Variants in ERLEC1 observed in about 807,000 individuals in gnomAD.
The protein encoded by ERLEC1 is endoplasmic reticulum lectin 1, also known as ER lectin.
A neutral mutation model predicts 68.0 loss-of-function variants in ERLEC1; 47 were observed. The observed-to-expected ratio is 0.69, with a 90% CI of 0.55 to 0.88. The LOEUF (loss-of-function observed/expected upper bound fraction) is 0.88. Among genes scored for constraint, ERLEC1 ranks in the 40% least tolerant of loss-of-function variants. ERLEC1 has a pLI of 0.00. For synonymous variants in ERLEC1, 225 were observed against 203.2 expected (o/e 1.11, Z -0.91); for missense variants, 567 against 583.8 (o/e 0.97, Z 0.30).
chr2:53,811,584 G>A (rs1212930177), intron 10 of ERLEC1, among the ~76,000 whole-genome samples: 2 of 152,256 alleles, frequency 1.3e-5, no homozygotes, highest in East Asian at 3.9e-4. Context: ...TGTATGCTAG[G>A]CACTATGTAC....
chr2:53,791,562 A>C (rs1225196595), intron 1 of ERLEC1, among the ~76,000 whole-genome samples: 3 of 152,198 alleles, frequency 2.0e-5, no homozygotes, highest in Non-Finnish European at 4.4e-5. Context: ...CTAAAAATAT[A>C]TTTTGTGGTC....
At chr2:53,787,466 CCTT>C (rs1051181804) in intron 1 of ERLEC1, 94 bp downstream of exon 1, 12 of 1,436,472 alleles carry the variant, frequency 8.4e-6, no homozygotes, top group African/African-American at 4.3e-5. Context: ...CTCCCCAAGA[CCTT>C]CTCTGCAGAC....
chr2:53,787,494 A>C, intron 1 of ERLEC1, 122 bp downstream of exon 1: 2 of 1,175,950 alleles, frequency 1.7e-6, no homozygotes, highest in Non-Finnish European at 2.3e-6. Flanking sequence ...ACCTTCCCCA[A>C]GCCAAAGCTG....
intron 2 of ERLEC1, among the ~76,000 whole-genome samples, chr2:53,795,645 A>G (rs540741160): frequency 5.3e-5 from 8 of 152,332 alleles, no homozygotes; most frequent in Middle Eastern, 3.4e-3. Flanking sequence ...CTGATACTTA[A>G]AAACCTTTTT....
chr2:53,787,362 A>G lies in ERLEC1; in HGVS notation c.152A>G (p.Glu51Gly). ...TTCCGAGTCAACTGGCCCGGCACCG[A>G]GTTCTCTCTGGTCAGTGCCCTCACT... is the stretch of plus-strand genomic sequence containing the variant. ...IPFRVNWPGT[E>G]FSLPTTGVLY... Residue 51 changes from glutamate to glycine, a missense_variant, in exon 1 of 14, where the codon GAG becomes GGG. Coordinates refer to ENST00000185150, the MANE Select transcript of ERLEC1 (RefSeq NM_015701.5). The G allele has an allele frequency of 6.2e-7, 1 of 1,610,914 alleles. No homozygotes were observed. The highest frequency in any genetic ancestry group is 8.5e-7 in the Non-Finnish European group (1 of 1,179,380).
rs1676414297 is a variant in ERLEC1 at position 53,808,412 on chromosome 2, T to G, written c.993T>G (p.Asp331Glu). 1.2e-6 allele frequency: 2 copies of G among 1,614,204 alleles called. No individual in the cohort carries two copies. The highest frequency in any genetic ancestry group is 3.3e-5 in the Admixed American group (2 of 60,030). Residue 331 changes from aspartate to glutamate, a missense_variant, in exon 9 of 14, where the codon GAT (aspartate) becomes GAG (glutamate). By Grantham distance (45) the Asp-to-Glu change is conservative (BLOSUM62 2). Transcript: ENST00000185150. Reference sequence around the variant, plus strand: ...CAACCCACATATCCAAATTGACAGATGACCAACTCATAAAAGAGTTTCTTA... The same window carrying G: ...CAACCCACATATCCAAATTGACAGAGGACCAACTCATAAAAGAGTTTCTTA... The part of the protein sequence containing the change: ...VGTTHISKLT[D>E]DQLIKEFLSG...
intron 11 of ERLEC1, among the ~76,000 whole-genome samples, chr2:53,813,994 G>T (rs1276930011): frequency 6.6e-6 from 1 of 152,006 alleles, no homozygotes; most frequent in African/African-American, 2.4e-5. Context: ...ATCCTTGTAG[G>T]TATATGTTTT....
Position 53,797,590 on chromosome 2 carries a change from C to G in ERLEC1, c.424C>G (p.Gln142Glu). The change falls in exon 4 of 14, where the codon CAG (glutamine) becomes GAG (glutamate). Residue 142 changes from glutamine (Q) to glutamate (E), a missense_variant and splice_region_variant. By Grantham distance (29) the Gln-to-Glu change is conservative. Coordinates refer to ENST00000185150, the MANE Select transcript of ERLEC1 (RefSeq NM_015701.5). ...GTACCATGAAGAGAAAGAAACTGGT[C>G]AGGTGTGTTTTTCTTCAAAATATTA... ...RQYHEEKETG[Q>E]KINIHEYYLG... The G allele has an allele frequency of 1.2e-6, 2 of 1,609,588 alleles. No individual in the cohort carries two copies.
rs764851807 is a variant in ERLEC1, at chr2:53,809,260, A to G, written c.1088A>G (p.His363Arg). The G allele has an allele frequency of 1.8e-5, 29 of 1,574,404 alleles. No individual in the cohort carries two copies. Among genetic ancestry groups the G allele is most frequent in the Non-Finnish European group, 2.5e-5 (29 of 1,168,216 alleles). The change falls in exon 10 of 14, where the codon CAT (histidine) becomes CGT (arginine). Residue 363 changes from histidine (H) to arginine (R), a missense_variant. Physicochemically the swap from His to Arg is conservative, Grantham distance 29. Transcript: ENST00000185150. Reference sequence around the variant, plus strand: ...GAATTCTGCTATGGCAAACATGTACATCAATACCATGAGGTATAGAATAGC... The same window carrying G: ...GAATTCTGCTATGGCAAACATGTACGTCAATACCATGAGGTATAGAATAGC... ...KYEFCYGKHV[H>R]QYHEDKDSGK...
At chr2:53,799,910 T>C (rs1338561878) in intron 6 of ERLEC1, among the ~76,000 whole-genome samples, 1 of 152,086 alleles carries the variant, frequency 6.6e-6, no homozygotes, top group Non-Finnish European at 1.5e-5. Flanking sequence ...TTACTGTGAC[T>C]CTGAAAGACA....
intron 13 of ERLEC1, among the ~76,000 whole-genome samples, chr2:53,816,036 GC>G (rs2104345322): frequency 6.6e-6 from 1 of 151,678 alleles, no homozygotes; most frequent in East Asian, 1.9e-4. Context: ...CACCATATTG[GC>G]CATGCTGGTC....
At chr2:53,800,402 C>T (rs1409348374) in intron 6 of ERLEC1, among the ~76,000 whole-genome samples, 1 of 152,058 alleles carries the variant, frequency 6.6e-6, no homozygotes, top group African/African-American at 2.4e-5. Flanking sequence ...TATTATTCTG[C>T]TTTTACAAAT....
intron 11 of ERLEC1, 37 bp downstream of exon 11, chr2:53,813,110 C>G: frequency 6.3e-7 from 1 of 1,581,204 alleles, no homozygotes; most frequent in South Asian, 1.2e-5. Flanking sequence ...GAGCTAATTA[C>G]TACAATTTCT....
chr2:53,799,712 TATC>T (rs1457830475), intron 6 of ERLEC1, among the ~76,000 whole-genome samples: 1 of 152,178 alleles, frequency 6.6e-6, no homozygotes, highest in Non-Finnish European at 1.5e-5. Context: ...AATGGCTTAA[TATC>T]ATACTGATAC....
chr2:53,799,060 A>C lies in ERLEC1; in HGVS notation c.504A>C (p.Glu168Asp), dbSNP rs974592341. The C allele has an allele frequency of 1.9e-5, 31 of 1,612,522 alleles. No individual in the cohort carries two copies. Among genetic ancestry groups the C allele is most frequent in the South Asian group, 1.1e-5 (1 of 90,868 alleles). The change falls in exon 6 of 14, where the codon GAA becomes GAC. Residue 168 changes from glutamate (E) to aspartate (D), a missense_variant. By Grantham distance (45) the Glu-to-Asp change is conservative (BLOSUM62 2). Transcript: ENST00000185150. ...ATTATTCCACAGAACGAGAAGCAGA[A>C]GAAAAGGAAAAATCAAATGAGGCAA... ...NLLFEKEREAEEKEKSNEIPT... is the reference protein window; with the variant it reads ...NLLFEKEREADEKEKSNEIPT...
chr2:53,814,728 C>T (rs1056291983), intron 12 of ERLEC1, 108 bp downstream of exon 12: 1 of 996,928 alleles, frequency 1.0e-6, no homozygotes, highest in Non-Finnish European at 1.5e-6. Context: ...GAAAGTATAC[C>T]ATTTAAATTA....
At chr2:53,788,976 C>G (rs1332596536) in intron 1 of ERLEC1, among the ~76,000 whole-genome samples, 1 of 151,970 alleles carries the variant, frequency 6.6e-6, no homozygotes, top group African/African-American at 2.4e-5. Context: ...GCCCTGAAAA[C>G]TTACTATAAG....
intron 10 of ERLEC1, among the ~76,000 whole-genome samples, chr2:53,812,697 T>G (rs1161439751): frequency 1.3e-5 from 2 of 151,952 alleles, no homozygotes; most frequent in Non-Finnish European, 2.9e-5. Flanking sequence ...GAAAAAGAGA[T>G]AGAAGAGCCG....
intron 8 of ERLEC1, among the ~76,000 whole-genome samples, chr2:53,806,501 C>A (rs904968304): frequency 7.9e-5 from 12 of 152,086 alleles, no homozygotes; most frequent in Non-Finnish European, 1.8e-4. Flanking sequence ...ATTTTTAATA[C>A]GCAGCACCTA....
Sources: allele counts gnomAD v4.1 joint callset (sites outside exome capture counted in the v4.1 genomes callset), GRCh38; gene constraint gnomAD v4.1.1; transcripts MANE v1.5; gene names NCBI Gene and HGNC (gene_info 2026-07-23, HGNC 2026-07-21).